Variants in B3GALT1 observed in about 807,000 individuals in gnomAD.
B3GALT1 encodes UDP-Gal:betaGlcNAc beta 1,3-galactosyltransferase, polypeptide 1.
A neutral mutation model predicts 23.2 loss-of-function variants in B3GALT1; 10 were observed. The ratio of observed to expected loss-of-function variants is 0.43; its 90% CI spans 0.27 to 0.73. The LOEUF (loss-of-function observed/expected upper bound fraction) is 0.73, where lower values mean the gene tolerates loss of function less well. Among genes scored for constraint, B3GALT1 ranks in the 30% least tolerant of loss-of-function variants. The pLI, the probability that B3GALT1 is intolerant of heterozygous loss-of-function variation, is 0.21. For synonymous variants in B3GALT1, 156 were observed against 141.5 expected, an observed-to-expected ratio of 1.10 and a Z score of -0.73; for missense variants, 299 against 405.4, an observed-to-expected ratio of 0.74 and a Z score of 2.25.
intron 1 of B3GALT1, among the ~76,000 whole-genome samples, chr2:167,352,485 G>A (rs1288906199): frequency 6.6e-6 from 1 of 150,892 alleles, no homozygotes; most frequent in Non-Finnish European, 1.5e-5. Flanking sequence ...ACTCTGGAAG[G>A]CCGAGGTGGG....
rs548261510 is a variant in B3GALT1, at chr2:167,494,825, G to A, written c.-410+4548G>A. On this transcript the variant is annotated intron_variant, in intron 2 of 4. Coordinates refer to ENST00000392690, the MANE Select transcript of B3GALT1 (RefSeq NM_020981.4). ...ATCTGGCAAATTATCAGAATCATTT[G>A]GGAGACATTTTGAAAACATAGCTTT... 5.9e-5 allele frequency among the ~76,000 whole-genome samples: 9 copies of A among 152,238 alleles called. No homozygotes were observed. In the South Asian group the frequency reaches 1.9e-3, roughly 32 times the overall value.
At chr2:167,512,608 G>GTATATATATATACA (rs1700035970) in intron 2 of B3GALT1, among the ~76,000 whole-genome samples, 1 of 80,174 alleles carries the variant, frequency 1.2e-5, no homozygotes, top group African/African-American at 6.6e-5. Context: ...ATATATATAT[G>GTATATATATATACA]TATATATATA....
intron 3 of B3GALT1, among the ~76,000 whole-genome samples, chr2:167,742,934 GA>G (rs997551223): frequency 7.9e-5 from 12 of 151,924 alleles, no homozygotes; most frequent in South Asian, 6.2e-4. Context: ...TATTTATAAA[GA>G]AAAAAATGTG....
intron 3 of B3GALT1, among the ~76,000 whole-genome samples, chr2:167,648,711 C>T (rs1441040121): frequency 6.6e-6 from 1 of 152,040 alleles, no homozygotes; most frequent in Non-Finnish European, 1.5e-5. Context: ...ATTACCTTAT[C>T]TTTATTTTTC....
At chr2:167,429,841 A>G (rs1698682515) in intron 1 of B3GALT1, among the ~76,000 whole-genome samples, 1 of 152,224 alleles carries the variant, frequency 6.6e-6, no homozygotes, top group Admixed American at 6.5e-5. Flanking sequence ...CAAGTGACAA[A>G]TTTATGTTAG....
chr2:167,352,732 AAAACAAAC>A (rs71904418), intron 1 of B3GALT1, among the ~76,000 whole-genome samples: 1 of 150,064 alleles, frequency 6.7e-6, no homozygotes, highest in African/African-American at 2.5e-5. Flanking sequence ...AAAAGAAAAA[AAAACAAAC>A]AAACTGTACC....
intron 2 of B3GALT1, among the ~76,000 whole-genome samples, chr2:167,630,213 A>G (rs1326281376): frequency 6.6e-6 from 1 of 151,826 alleles, no homozygotes; most frequent in East Asian, 1.9e-4. Flanking sequence ...AAATGTAGGC[A>G]TATTGGTTAG....
chr2:167,436,301 C>G (rs1452188126), intron 1 of B3GALT1, among the ~76,000 whole-genome samples: 2 of 152,110 alleles, frequency 1.3e-5, no homozygotes, highest in African/African-American at 4.8e-5. Context: ...TTCCCTCAGC[C>G]TGCCATGAAG....
intron 1 of B3GALT1, among the ~76,000 whole-genome samples, chr2:167,466,453 A>G (rs1431858721): frequency 1.3e-5 from 2 of 151,450 alleles, no homozygotes; most frequent in Non-Finnish European, 2.9e-5. Flanking sequence ...CCCTGTCTCT[A>G]CTAAAAATAC....
intron 3 of B3GALT1, among the ~76,000 whole-genome samples, chr2:167,745,439 T>C (rs1266212450): frequency 6.6e-6 from 1 of 152,208 alleles, no homozygotes; most frequent in Non-Finnish European, 1.5e-5. Flanking sequence ...ATCATTTTCC[T>C]TCTATGAAGT....
chr2:167,320,611 C>A (rs911760143), intron 1 of B3GALT1, among the ~76,000 whole-genome samples: 6 of 152,070 alleles, frequency 3.9e-5, no homozygotes, highest in African/African-American at 9.7e-5. Context: ...TTTGCTCTTT[C>A]TCTTTTCACA....
intron 2 of B3GALT1, among the ~76,000 whole-genome samples, chr2:167,566,016 A>G (rs1334992573): frequency 2.0e-5 from 3 of 152,102 alleles, no homozygotes; most frequent in Non-Finnish European, 4.4e-5. Flanking sequence ...TACCCAAAGG[A>G]CTATAAATCA....
chr2:167,835,972 C>G (rs1268270790), intron 4 of B3GALT1, among the ~76,000 whole-genome samples: 1 of 152,170 alleles, frequency 6.6e-6, no homozygotes, highest in East Asian at 1.9e-4. Flanking sequence ...AGGGTCCTGT[C>G]TGTTTGTTAG....
At chr2:167,512,178 C>T (rs1700014526) in intron 2 of B3GALT1, among the ~76,000 whole-genome samples, 1 of 151,828 alleles carries the variant, frequency 6.6e-6, no homozygotes, top group Non-Finnish European at 1.5e-5. Flanking sequence ...TTTCTCATTT[C>T]CAACATTAGC....
intron 1 of B3GALT1, among the ~76,000 whole-genome samples, chr2:167,318,253 A>G (rs1209467659): frequency 6.8e-6 from 1 of 147,602 alleles, no homozygotes; most frequent in Non-Finnish European, 1.5e-5. Flanking sequence ...TGAACCTAGG[A>G]GATGGAGGTT....
At chr2:167,817,739 C>T (rs1689023128) in intron 3 of B3GALT1, among the ~76,000 whole-genome samples, 1 of 152,026 alleles carries the variant, frequency 6.6e-6, no homozygotes, top group Admixed American at 6.5e-5. Flanking sequence ...TCAGCATTAC[C>T]CAGAACTTAC....
intron 3 of B3GALT1, among the ~76,000 whole-genome samples, chr2:167,664,055 G>C (rs1360825212): frequency 6.6e-6 from 1 of 150,960 alleles, no homozygotes; most frequent in Admixed American, 6.6e-5. Flanking sequence ...GTCCTGAATG[G>C]TAATGCCTAG....
At chr2:167,304,723 AAG>A (rs369052037) in intron 1 of B3GALT1, among the ~76,000 whole-genome samples, 1,738 of 152,168 alleles carry the variant, frequency 0.011, 43 homozygotes, top group African/African-American at 0.04. Context: ...GAGACAGAGA[AAG>A]AGAGAGAGAT....
At chr2:167,432,927 C>T (rs1328965100) in intron 1 of B3GALT1, among the ~76,000 whole-genome samples, 3 of 152,172 alleles carry the variant, frequency 2.0e-5, no homozygotes, top group Non-Finnish European at 4.4e-5. Flanking sequence ...TACATTGACA[C>T]ATGAATATCA....
Sources: allele counts gnomAD v4.1 joint callset (sites outside exome capture counted in the v4.1 genomes callset), GRCh38; gene constraint gnomAD v4.1.1; transcripts MANE v1.5; gene names NCBI Gene and HGNC (gene_info 2026-07-23, HGNC 2026-07-21).